RHBDD1: variants seen among roughly 807,000 people sequenced by gnomAD.
RHBDD1 encodes rhomboid domain containing 1.
In RHBDD1, 38 loss-of-function variants were observed where a neutral mutation model predicts 36.3. The observed-to-expected ratio is 1.05, with a 90% confidence interval of 0.81 to 1.37. The LOEUF (loss-of-function observed/expected upper bound fraction) is 1.37. Ranked by LOEUF, RHBDD1 falls within the 40% of genes most tolerant of loss-of-function variation. RHBDD1 has a pLI of 0.00. For synonymous variants in RHBDD1, 151 were observed against 136.5 expected (o/e 1.11, Z -0.74); for missense variants, 393 against 377.6 (o/e 1.04, Z -0.34).
chr2:226,906,521 C>A (rs924649930), intron 5 of RHBDD1, among the ~76,000 whole-genome samples: 1 of 152,190 alleles, frequency 6.6e-6, no homozygotes, highest in African/African-American at 2.4e-5. Context: ...TGACCAAATG[C>A]TTCCACTGCT....
intron 5 of RHBDD1, among the ~76,000 whole-genome samples, chr2:226,894,776 C>G (rs981341275): frequency 6.6e-6 from 1 of 152,034 alleles, no homozygotes; most frequent in African/African-American, 2.4e-5. Flanking sequence ...TGAAAGTCAC[C>G]GGATTAAGTA....
At chr2:226,979,393 C>T (rs188303796) in intron 8 of RHBDD1, among the ~76,000 whole-genome samples, 1 of 152,268 alleles carries the variant, frequency 6.6e-6, no homozygotes, top group East Asian at 1.9e-4. Context: ...TAACAGGCCC[C>T]CATCTCACCA....
chr2:226,889,694 C>T (rs1946528506), intron 5 of RHBDD1, among the ~76,000 whole-genome samples: 1 of 152,168 alleles, frequency 6.6e-6, no homozygotes, highest in Non-Finnish European at 1.5e-5. Flanking sequence ...TCATGTTCTG[C>T]ATTACAGATT....
chr2:226,891,221 C>T (rs749428595), intron 5 of RHBDD1, among the ~76,000 whole-genome samples: 8 of 152,124 alleles, frequency 5.3e-5, no homozygotes, highest in Non-Finnish European at 1.0e-4. Context: ...CTGGGGAAGG[C>T]TCCAATGCCA....
chr2:226,984,968 T>G (rs73994324), intron 8 of RHBDD1, among the ~76,000 whole-genome samples: 3 of 148,894 alleles, frequency 2.0e-5, no homozygotes, highest in Non-Finnish European at 3.0e-5. Flanking sequence ...AAGAGGAGGA[T>G]TGGGGGCAAG....
intron 5 of RHBDD1, among the ~76,000 whole-genome samples, chr2:226,903,281 A>C (rs551226418): frequency 6.6e-6 from 1 of 152,306 alleles, no homozygotes; most frequent in African/African-American, 2.4e-5. Flanking sequence ...TTAAATGGAA[A>C]ATTCCAGAAA....
chr2:226,865,844 C>T (rs1329591351), intron 4 of RHBDD1, among the ~76,000 whole-genome samples: 1 of 152,180 alleles, frequency 6.6e-6, no homozygotes, highest in African/African-American at 2.4e-5. Flanking sequence ...CATAGTTATT[C>T]TTGAGAACTA....
intron 8 of RHBDD1, among the ~76,000 whole-genome samples, chr2:226,950,952 G>A (rs1308966980): frequency 1.3e-5 from 2 of 152,118 alleles, no homozygotes; most frequent in African/African-American, 4.8e-5. Context: ...CCTTTGTGGT[G>A]CAGAAGCTTT....
chr2:226,979,962 G>A (rs1201642921), intron 8 of RHBDD1, among the ~76,000 whole-genome samples: 1 of 152,142 alleles, frequency 6.6e-6, no homozygotes, highest in Non-Finnish European at 1.5e-5. Context: ...AGGTTTTGAT[G>A]GATTGAATTT....
At chr2:226,969,416 A>G (rs1953019575) in intron 8 of RHBDD1, among the ~76,000 whole-genome samples, 1 of 59,752 alleles carries the variant, frequency 1.7e-5, no homozygotes, top group East Asian at 4.4e-4. Flanking sequence ...TTTTTTTTTA[A>G]GGAAGTAGAC....
chr2:226,857,675 A>C (rs1468539710), intron 3 of RHBDD1, among the ~76,000 whole-genome samples: 1 of 152,222 alleles, frequency 6.6e-6, no homozygotes, highest in Non-Finnish European at 1.5e-5. Context: ...TAAGCCAAAT[A>C]CAAAAGGCCA....
intron 3 of RHBDD1, among the ~76,000 whole-genome samples, chr2:226,857,561 G>A (rs540125761): frequency 6.6e-6 from 1 of 152,272 alleles, no homozygotes; most frequent in East Asian, 1.9e-4. Context: ...TGAATAAAAT[G>A]TGGTATATTC....
chr2:226,869,763 G>A (rs1376033317), intron 5 of RHBDD1, among the ~76,000 whole-genome samples: 1 of 152,194 alleles, frequency 6.6e-6, no homozygotes, highest in African/African-American at 2.4e-5. Flanking sequence ...CAGTGTCTGT[G>A]TGTACTTACT....
intron 8 of RHBDD1, among the ~76,000 whole-genome samples, chr2:226,948,429 A>T (rs1295041059): frequency 6.3e-5 from 4 of 63,910 alleles, no homozygotes; most frequent in Non-Finnish European, 1.2e-4. Context: ...GGGTAGGGGG[A>T]GGGGGGAGGG....
upstream of RHBDD1, among the ~76,000 whole-genome samples, chr2:226,831,542 A>G (rs955226290): frequency 7.9e-5 from 12 of 152,172 alleles, no homozygotes; most frequent in African/African-American, 2.7e-4. Flanking sequence ...AGCACCAAGA[A>G]AGGCCAAGGA....
chr2:226,967,084 G>A (rs1952693877), intron 8 of RHBDD1, among the ~76,000 whole-genome samples: 1 of 152,176 alleles, frequency 6.6e-6, no homozygotes, highest in Admixed American at 6.5e-5. Context: ...CCCTGATGAT[G>A]CTGTGATGCA....
Position 226,906,787 on chromosome 2 carries a change from T to G in RHBDD1, c.567-6T>G. On this transcript the variant is annotated splice_polypyrimidine_tract_variant and splice_region_variant and intron_variant, in intron 5 of 8. Transcript: ENST00000392062. ...AACACTCACAAAGGGTCTCCTTCCCTCCTAGGACTTCCTTCGCTGGGCATC... is the reference window on the plus strand; with the variant it reads ...AACACTCACAAAGGGTCTCCTTCCCGCCTAGGACTTCCTTCGCTGGGCATC... 1.4e-5 allele frequency: 22 copies of G among 1,613,990 alleles called. No homozygotes were observed. Among genetic ancestry groups the G allele is most frequent in the Non-Finnish European group, 1.9e-5 (22 of 1,179,900 alleles).
At chr2:226,990,246 T>C (rs1190243551) in intron 8 of RHBDD1, among the ~76,000 whole-genome samples, 2 of 152,150 alleles carry the variant, frequency 1.3e-5, no homozygotes, top group Non-Finnish European at 2.9e-5. Flanking sequence ...CAACCATCCT[T>C]TCAGGGGAGG....
chr2:226,918,374 T>C (rs568068427), intron 8 of RHBDD1, among the ~76,000 whole-genome samples: 82 of 152,156 alleles, frequency 5.4e-4, no homozygotes, highest in African/African-American at 1.9e-3. Context: ...AAAAAAAAAT[T>C]GTTGACTCTC....
Sources: gnomAD v4.1 joint callset for allele counts (sites outside exome capture counted in the v4.1 genomes callset) on GRCh38, gnomAD v4.1.1 for gene constraint, MANE v1.5 for transcripts, NCBI Gene and HGNC (gene_info 2026-07-23, HGNC 2026-07-21) for gene names.